The following RBPJ variants were observed in gnomAD, a reference collection of about 807,000 sequenced individuals.
RBPJ encodes the protein recombining binding protein suppressor of hairless.
A neutral mutation model predicts 67.8 loss-of-function variants in RBPJ; 9 were observed. That is an observed-to-expected ratio of 0.13 (90% CI 0.08 to 0.23). The LOEUF is 0.23. RBPJ is among the 10% of genes least tolerant of loss of function. The pLI is 1.00. For missense variants in RBPJ, 305 were observed against 595.6 expected, an observed-to-expected ratio of 0.51 and a Z score of 5.08; for synonymous variants, 198 against 203.3, an observed-to-expected ratio of 0.97 and a Z score of 0.22.
the RBPJ span, among the ~76,000 whole-genome samples, chr4:26,142,787 T>TGA: frequency 0.027 from 4,104 of 150,850 alleles, 166 homozygotes; most frequent in African/African-American, 0.094. Context: ...TGTGTGTGTG[T>TGA]GAGAGAGAGA....
At chr4:26,310,701 G>C (rs888715251) in intron 1 of RBPJ, among the ~76,000 whole-genome samples, 1 of 127,168 alleles carries the variant, frequency 7.9e-6, no homozygotes, top group Non-Finnish European at 1.6e-5. Context: ...AGAGAGTCTT[G>C]CTCTGTCACC....
intron 1 of RBPJ, among the ~76,000 whole-genome samples, chr4:26,224,068 G>A (rs1394880463): frequency 2.0e-5 from 3 of 152,150 alleles, no homozygotes; most frequent in Non-Finnish European, 4.4e-5. Flanking sequence ...CTCAATAAAT[G>A]TTAATGATTG....
intron 1 of RBPJ, among the ~76,000 whole-genome samples, chr4:26,244,688 A>T (rs1323889266): frequency 2.0e-5 from 3 of 151,758 alleles, no homozygotes; most frequent in African/African-American, 7.3e-5. Context: ...AGTGCAGTGG[A>T]GCAATCTCAG....
At chr4:26,295,265 T>TGTGTGTGTGTGG (rs957109851) in intron 1 of RBPJ, among the ~76,000 whole-genome samples, 2 of 151,886 alleles carry the variant, frequency 1.3e-5, no homozygotes, top group Non-Finnish European at 2.9e-5. Context: ...TGTGTGTGTG[T>TGTGTGTGTGTGG]GTGTGGGTGT....
intron 1 of RBPJ, chr4:26,322,212 G>A (rs1426527400): frequency 6.6e-6 from 1 of 152,232 alleles, no homozygotes. Context: ...AGGACGGTTA[G>A]AAGGAGGCTC....
intron 1 of RBPJ, chr4:26,272,768 C>G (rs1720956660): frequency 2.2e-6 from 1 of 446,164 alleles, no homozygotes; most frequent in Non-Finnish European, 4.5e-6. Flanking sequence ...TGAGGTAGGT[C>G]TAACACCAGG....
chr4:26,275,655 G>T (rs1721054083), intron 1 of RBPJ, among the ~76,000 whole-genome samples: 1 of 151,924 alleles, frequency 6.6e-6, no homozygotes, highest in Admixed American at 6.6e-5. Flanking sequence ...TTTTTGAGAC[G>T]GAGTCTCGTA....
intron 1 of RBPJ, among the ~76,000 whole-genome samples, chr4:26,362,951 T>G (rs1439780536): frequency 6.6e-6 from 1 of 152,208 alleles, no homozygotes; most frequent in Non-Finnish European, 1.5e-5. Flanking sequence ...AATTATCTTT[T>G]ACATCATAGA....
the RBPJ span, among the ~76,000 whole-genome samples, chr4:26,109,623 C>CCT: frequency 1.8e-3 from 38 of 20,800 alleles, 4 homozygotes; most frequent in Admixed American, 6.8e-3. Flanking sequence ...TGTCCACCTT[C>CCT]CTCTCTCTCT....
chr4:26,305,804 A>C (rs1291331096), intron 1 of RBPJ, among the ~76,000 whole-genome samples: 1 of 68,702 alleles, frequency 1.5e-5, no homozygotes, highest in Non-Finnish European at 2.4e-5. Flanking sequence ...TCTGAGACTG[A>C]GTTTCACTCT....
chr4:26,334,468 G>C (rs1724595902), intron 1 of RBPJ, among the ~76,000 whole-genome samples: 1 of 151,044 alleles, frequency 6.6e-6, no homozygotes, highest in African/African-American at 2.4e-5. Flanking sequence ...TAATTGCATT[G>C]CAACTTAAGT....
chr4:26,259,427 G>A (rs1168951942), intron 1 of RBPJ, among the ~76,000 whole-genome samples: 1 of 152,166 alleles, frequency 6.6e-6, no homozygotes, highest in Non-Finnish European at 1.5e-5. Flanking sequence ...CTCTTGATTA[G>A]TCTGCTTTTA....
intron 1 of RBPJ, among the ~76,000 whole-genome samples, chr4:26,262,638 T>C (rs911512103): frequency 1.3e-5 from 2 of 152,180 alleles, no homozygotes; most frequent in African/African-American, 4.8e-5. Flanking sequence ...TTTTTGACAT[T>C]TCACAATCTC....
intron 1 of RBPJ, among the ~76,000 whole-genome samples, chr4:26,172,152 T>C (rs1192829310): frequency 6.6e-6 from 1 of 152,178 alleles, no homozygotes; most frequent in Admixed American, 6.5e-5. Flanking sequence ...GAACTAAATG[T>C]CTTGCCAGGT....
the RBPJ span, among the ~76,000 whole-genome samples, chr4:26,130,116 C>A: frequency 3.9e-5 from 6 of 152,182 alleles, no homozygotes; most frequent in Admixed American, 1.3e-4. Context: ...CCTGCCTCGG[C>A]CTCCAAAGTG....
At chr4:26,322,025 AGTGCC>A (rs969979991) in intron 1 of RBPJ, 1 of 149,082 alleles carries the variant, frequency 6.7e-6, no homozygotes, top group Admixed American at 6.7e-5. Context: ...CCGTCTTTTT[AGTGCC>A]GTGGGTTGTT....
the RBPJ span, among the ~76,000 whole-genome samples, chr4:26,138,207 A>C: frequency 6.6e-6 from 1 of 152,082 alleles, no homozygotes; most frequent in Non-Finnish European, 1.5e-5. Flanking sequence ...ACCTTACCTG[A>C]TATCATCCCA....
intron 2 of RBPJ, among the ~76,000 whole-genome samples, chr4:26,387,411 TATAA>T (rs1169107326): frequency 6.6e-6 from 1 of 152,146 alleles, no homozygotes; most frequent in African/African-American, 2.4e-5. Flanking sequence ...ATATTATTTA[TATAA>T]ATAAAAGTCA....
chr4:26,109,456 C>CTATA, the RBPJ span, among the ~76,000 whole-genome samples: 17 of 18,686 alleles, frequency 9.1e-4, 1 homozygote, highest in Non-Finnish European at 1.6e-3. Flanking sequence ...CTCTCTCTCT[C>CTATA]TCTCTATATA....
Sources: allele counts gnomAD v4.1 joint callset (sites outside exome capture counted in the v4.1 genomes callset), GRCh38; gene constraint gnomAD v4.1.1; transcripts MANE v1.5; gene names NCBI Gene and HGNC (gene_info 2026-07-23, HGNC 2026-07-21).